ULK4: variants seen among roughly 807,000 people sequenced by gnomAD.
The protein encoded by ULK4 is unc-51 like kinase 4.
ULK4 carries 133 observed loss-of-function variants against 160.6 expected under a neutral mutation model. That is an observed-to-expected ratio of 0.83 (90% CI 0.72 to 0.96). The LOEUF (loss-of-function observed/expected upper bound fraction) is 0.96, where lower values mean the gene tolerates loss of function less well. Among genes scored for constraint, ULK4 ranks in the 40% least tolerant of loss-of-function variants. The pLI is 0.00. For missense variants in ULK4, 1,580 were observed against 1,499.5 expected, an observed-to-expected ratio of 1.05 and a Z score of -0.89; for synonymous variants, 534 against 539.8, an observed-to-expected ratio of 0.99 and a Z score of 0.15.
At chr3:41,929,301 C>T (rs1197026445) in intron 5 of ULK4, among the ~76,000 whole-genome samples, 2 of 152,122 alleles carry the variant, frequency 1.3e-5, no homozygotes, top group Non-Finnish European at 2.9e-5. Flanking sequence ...CCGCTTCATG[C>T]TAAAAACTCT....
chr3:41,468,089 T>C (rs1255067456), intron 32 of ULK4, among the ~76,000 whole-genome samples: 1 of 152,192 alleles, frequency 6.6e-6, no homozygotes, highest in Non-Finnish European at 1.5e-5. Flanking sequence ...ATACTCTCAC[T>C]AGAAGAAATG....
intron 35 of ULK4, among the ~76,000 whole-genome samples, chr3:41,325,240 A>C (rs2080318396): frequency 6.6e-6 from 1 of 152,236 alleles, no homozygotes; most frequent in Admixed American, 6.5e-5. Context: ...TTTTCAAAAA[A>C]AATGACAATA....
chr3:41,839,011 G>A (rs532153570), intron 17 of ULK4, among the ~76,000 whole-genome samples: 4 of 152,250 alleles, frequency 2.6e-5, no homozygotes, highest in Middle Eastern at 3.4e-3. Flanking sequence ...TGCACAGCAC[G>A]GTGACCATAG....
chr3:41,710,743 G>A (rs930536190), intron 25 of ULK4, among the ~76,000 whole-genome samples: 5 of 151,002 alleles, frequency 3.3e-5, no homozygotes, highest in South Asian at 2.1e-4. Flanking sequence ...GCAGTGAGCC[G>A]AGATCGCTCC....
chr3:41,301,723 A>G (rs1345299424), intron 35 of ULK4, among the ~76,000 whole-genome samples: 1 of 152,202 alleles, frequency 6.6e-6, no homozygotes, highest in Non-Finnish European at 1.5e-5. Flanking sequence ...AGGCTGAATC[A>G]CCATTTAATG....
At chr3:41,771,588 T>C (rs985989889) in intron 21 of ULK4, among the ~76,000 whole-genome samples, 4 of 151,962 alleles carry the variant, frequency 2.6e-5, no homozygotes, top group African/African-American at 9.7e-5. Context: ...GATGTTACAA[T>C]GCTTTTCCTT....
At chr3:41,792,054 C>T (rs2125594299) in intron 20 of ULK4, among the ~76,000 whole-genome samples, 1 of 152,254 alleles carries the variant, frequency 6.6e-6, no homozygotes, top group South Asian at 2.1e-4. Flanking sequence ...AAAAAAGCTA[C>T]AGATGGGTAA....
At position 41,455,583 on chromosome 3, in the gene ULK4, C is replaced by T. The variant is rs377104572; in HGVS notation, c.3406G>A (p.Gly1136Ser). The T allele has an allele frequency of 1.2e-6, 2 of 1,613,866 alleles. No homozygotes were observed. Among genetic ancestry groups the T allele is most frequent in the Admixed American group, 1.7e-5 (1 of 60,006 alleles). Residue 1136 changes from glycine to serine, a missense_variant, in exon 34 of 37, where the codon GGC becomes AGC. Gly to Ser is a moderately conservative substitution (Grantham distance 56). Transcript: ENST00000301831. Reference protein sequence around the residue: ...VRLALQAQKSGSGEDPQAAED... With the variant: ...VRLALQAQKSSSGEDPQAAED... Reference sequence around the variant, plus strand: ...GCAGCCTGAGGGTCCTCTCCTGAGCCAGACTTCTGGGCCTGGAACAGAGAG... The same window carrying T: ...GCAGCCTGAGGGTCCTCTCCTGAGCTAGACTTCTGGGCCTGGAACAGAGAG...
Position 41,280,846 on chromosome 3 carries a change from T to C in ULK4, c.3679-31272A>G, listed in dbSNP as rs554895252. On this transcript the variant is annotated intron_variant, in intron 35 of 36. Transcript: ENST00000301831. ...AAGGAGATAGAGACACAAAAACCCTTCAAAAAAAATCAATGAATCCAGGAG... is the reference window on the plus strand; with the variant it reads ...AAGGAGATAGAGACACAAAAACCCTCCAAAAAAAATCAATGAATCCAGGAG... 3.3e-5 allele frequency among the ~76,000 whole-genome samples: 5 copies of C among 151,796 alleles called. No individual in the cohort carries two copies. The South Asian group carries it at 1.0e-3, about 32-fold the overall frequency.
At chr3:41,849,304 G>C (rs189310795) in intron 17 of ULK4, among the ~76,000 whole-genome samples, 2 of 152,264 alleles carry the variant, frequency 1.3e-5, no homozygotes, top group Admixed American at 1.3e-4. Context: ...CATATCTTAG[G>C]GTAGAGAAGC....
chr3:41,247,318 C>T (rs1042207690), intron 36 of ULK4, among the ~76,000 whole-genome samples: 3 of 152,200 alleles, frequency 2.0e-5, no homozygotes, highest in African/African-American at 7.2e-5. Flanking sequence ...CTGGCTCCTG[C>T]CTGGAGCTGA....
At chr3:41,613,538 T>C (rs1010026892) in intron 31 of ULK4, among the ~76,000 whole-genome samples, 3 of 151,702 alleles carry the variant, frequency 2.0e-5, no homozygotes, top group Non-Finnish European at 2.9e-5. Flanking sequence ...ATGTGCATCA[T>C]AGAATCAAGA....
chr3:41,635,036 T>G (rs1483498915), intron 30 of ULK4, among the ~76,000 whole-genome samples: 2 of 152,176 alleles, frequency 1.3e-5, no homozygotes, highest in East Asian at 3.9e-4. Context: ...TCAATGAAGG[T>G]GAAATGAAAA....
intron 35 of ULK4, among the ~76,000 whole-genome samples, chr3:41,257,632 CAAAAAAAA>C (rs11360973): frequency 1.3e-4 from 16 of 127,800 alleles, no homozygotes; most frequent in African/African-American, 4.3e-4. Flanking sequence ...GACTATGTCT[CAAAAAAAA>C]AAAAAAAAAT....
At chr3:41,693,609 G>A (rs987990468) in intron 27 of ULK4, among the ~76,000 whole-genome samples, 1 of 152,032 alleles carries the variant, frequency 6.6e-6, no homozygotes, top group Non-Finnish European at 1.5e-5. Flanking sequence ...GAAAACACAT[G>A]CCCACTCTAC....
intron 30 of ULK4, among the ~76,000 whole-genome samples, chr3:41,655,862 T>C (rs2034918769): frequency 6.6e-6 from 1 of 152,184 alleles, no homozygotes; most frequent in Non-Finnish European, 1.5e-5. Context: ...GGCTTTTACT[T>C]TTACCAGACT....
At chr3:41,941,491 G>C (rs576903292) in intron 2 of ULK4, among the ~76,000 whole-genome samples, 1 of 151,754 alleles carries the variant, frequency 6.6e-6, no homozygotes, top group East Asian at 1.9e-4. Context: ...AGCACAATTA[G>C]AGGAAAATGG....
intron 12 of ULK4, among the ~76,000 whole-genome samples, chr3:41,907,318 G>A (rs78342280): frequency 0.13 from 18,977 of 150,746 alleles, 1,375 homozygotes; most frequent in Middle Eastern, 0.27. Context: ...TTTTTAAAGA[G>A]GTGGGTCTCA....
At chr3:41,774,957 T>C (rs1375558853) in intron 21 of ULK4, among the ~76,000 whole-genome samples, 22 of 149,560 alleles carry the variant, frequency 1.5e-4, no homozygotes, top group Non-Finnish European at 3.2e-4. Context: ...TCATTCTCAG[T>C]AAACTATTGC....
Sources: gnomAD v4.1 joint callset for allele counts (sites outside exome capture counted in the v4.1 genomes callset) on GRCh38, gnomAD v4.1.1 for gene constraint, MANE v1.5 for transcripts, NCBI Gene and HGNC (gene_info 2026-07-23, HGNC 2026-07-21) for gene names.